Variants in GUF1 observed in about 807,000 individuals in gnomAD.
GUF1 encodes translation factor GUF1, mitochondrial.
Under a neutral mutation model 82.4 loss-of-function variants are expected in GUF1, and 78 were observed. The observed-to-expected ratio is 0.95, with a 90% confidence interval of 0.79 to 1.14. GUF1 has a LOEUF of 1.14. Among genes scored for constraint, GUF1 ranks in the 50% most tolerant of loss-of-function variants. The pLI, the probability that GUF1 is intolerant of heterozygous loss-of-function variation, is 0.00. For synonymous variants in GUF1, 279 were observed against 282.3 expected, an observed-to-expected ratio of 0.99 and a Z score of 0.12; for missense variants, 814 against 798.2, an observed-to-expected ratio of 1.02 and a Z score of -0.24.
intron 6 of GUF1, 93 bp downstream of exon 6, chr4:44,683,411 T>C: frequency 1.5e-6 from 1 of 654,588 alleles, no homozygotes; most frequent in Non-Finnish European, 2.6e-6. Context: ...CCTGGCATTA[T>C]ATGCTGTTTT....
chr4:44,689,911 C>G lies in GUF1; in HGVS notation c.1271C>G (p.Ser424Cys). ...CGACTGGAGCAAGAATATAATGCTTCTGTTATTTTAACAACCCCTACTGTT... is the reference window on the plus strand; with the variant it reads ...CGACTGGAGCAAGAATATAATGCTTGTGTTATTTTAACAACCCCTACTGTT... Reference protein sequence around the residue: ...NQRLEQEYNASVILTTPTVPY... With the variant: ...NQRLEQEYNACVILTTPTVPY... Residue 424 changes from serine (S) to cysteine (C), a missense_variant, in exon 11 of 17, where the codon TCT becomes TGT. Ser to Cys is a moderately radical substitution (Grantham distance 112). Coordinates refer to ENST00000281543, the MANE Select transcript of GUF1 (RefSeq NM_021927.3). 6.2e-7 allele frequency: 1 copy of G among 1,608,630 alleles called. No individual in the cohort carries two copies. The highest frequency in any genetic ancestry group is 8.5e-7 in the Non-Finnish European group (1 of 1,176,120).
Position 44,686,021 on chromosome 4 carries a change from C to T in GUF1, c.732C>T (p.Pro244=), listed in dbSNP as rs1170995515. Residue 244 remains proline (P), a splice_region_variant and synonymous_variant, in exon 7 of 17, where the codon CCC becomes CCT. Transcript: ENST00000281543. ...SVLQAIIERI[P]PPKVHRKNPL... ...TTCAGGCAATTATTGAAAGAATCCC[C>T]CCGTGAGTATTTGGTGATTTTTGTA... 6.3e-7 allele frequency: 1 copy of T among 1,597,732 alleles called. No individual in the cohort carries two copies. The highest frequency in any genetic ancestry group is 1.3e-5 in the African/African-American group (1 of 74,508).
intron 12 of GUF1, 146 bp downstream of exon 12, chr4:44,691,006 CAT>C (rs1715405515): frequency 7.0e-6 from 3 of 428,944 alleles, no homozygotes; most frequent in East Asian, 3.6e-5. Context: ...TATCTATACA[CAT>C]AGATATGTAT....
chr4:44,691,657 C>A lies in GUF1; in HGVS notation c.1480-9C>A. 6.3e-7 allele frequency: 1 copy of A among 1,582,826 alleles called. No homozygotes were observed. Among genetic ancestry groups the A allele is most frequent in the South Asian group, 1.1e-5 (1 of 87,654 alleles). On this transcript the variant is annotated splice_polypyrimidine_tract_variant and intron_variant, in intron 12 of 16. Transcript: ENST00000281543. ...ATCATTAAACCCATTTTCTTCCTTCCCTTTTTAGGCTCGAAGAGCAGTTCA... is the reference window on the plus strand; with the variant it reads ...ATCATTAAACCCATTTTCTTCCTTCACTTTTTAGGCTCGAAGAGCAGTTCA...
chr4:44,685,594 C>T (rs989496816), intron 6 of GUF1, among the ~76,000 whole-genome samples: 1 of 151,970 alleles, frequency 6.6e-6, no homozygotes, highest in African/African-American at 2.4e-5. Context: ...GAGATTTAGG[C>T]AGAATATGAA....
At chr4:44,687,048 C>T (rs947440133) in intron 8 of GUF1, among the ~76,000 whole-genome samples, 1 of 151,902 alleles carries the variant, frequency 6.6e-6, no homozygotes, top group Non-Finnish European at 1.5e-5. Flanking sequence ...TTCTTCATAA[C>T]TAGATTTTCC....
intron 6 of GUF1, among the ~76,000 whole-genome samples, chr4:44,684,432 G>C (rs1714937746): frequency 6.6e-6 from 1 of 152,042 alleles, no homozygotes; most frequent in South Asian, 2.1e-4. Flanking sequence ...GCTTTGTAGG[G>C]GTATGCAGGA....
At chr4:44,688,609 A>G (rs1463002513) in intron 9 of GUF1, among the ~76,000 whole-genome samples, 1 of 151,794 alleles carries the variant, frequency 6.6e-6, no homozygotes, top group Non-Finnish European at 1.5e-5. Flanking sequence ...TACTTCATTT[A>G]CTTTGGAAAA....
At chr4:44,697,089 A>G (rs1242145705) in intron 15 of GUF1, among the ~76,000 whole-genome samples, 1 of 152,178 alleles carries the variant, frequency 6.6e-6, no homozygotes, top group Non-Finnish European at 1.5e-5. Flanking sequence ...ATTGAGTAAA[A>G]AATAACCTAA....
At chr4:44,679,169 G>C (rs1284482467) in intron 1 of GUF1, among the ~76,000 whole-genome samples, 1 of 152,208 alleles carries the variant, frequency 6.6e-6, no homozygotes, top group African/African-American at 2.4e-5. Flanking sequence ...GCCTGGGCAA[G>C]TTACTACATT....
intron 8 of GUF1, 77 bp downstream of exon 8, chr4:44,686,790 C>T: frequency 1.1e-6 from 1 of 945,698 alleles, no homozygotes; most frequent in Middle Eastern, 3.0e-4. Flanking sequence ...ACTTGGTATG[C>T]TTAGAATGAT....
intron 7 of GUF1, 34 bp downstream of exon 7, chr4:44,686,057 CTATT>C (rs779259309): frequency 6.4e-6 from 9 of 1,406,328 alleles, no homozygotes; most frequent in Admixed American, 1.7e-5. Context: ...CTAGTTGTCT[CTATT>C]TAATAGTTCA....
intron 5 of GUF1, chr4:44,682,761 T>G (rs929743402): frequency 1.7e-5 from 3 of 171,582 alleles, no homozygotes; most frequent in African/African-American, 7.1e-5. Flanking sequence ...CATGACAATT[T>G]AGTGCTAAAC....
rs1214819165 is a variant in GUF1, at chr4:44,700,638, A to G, written c.*1957A>G. On this transcript the variant is annotated 3_prime_UTR_variant, in exon 17 of 17. Transcript: ENST00000281543. ...GGTGAGGACCTCCTGAGGCTGTGTC[A>G]TGGGCACACCTTAACCCTGGGAAAA... 1 of 152,198 alleles carries G rather than the reference A, an allele frequency of 6.6e-6. No individual in the cohort carries two copies. Among genetic ancestry groups the G allele is most frequent in the Non-Finnish European group, 1.5e-5 (1 of 68,042 alleles). The allele number at this position is 152,198 out of a possible 1,614,324, so 9.4% of individuals were successfully genotyped here. A position where few individuals can be genotyped will look rare whatever the true frequency, so the allele number is the denominator to read the frequency against.
chr4:44,685,857 T>C (rs1715013932), intron 6 of GUF1, 102 bp from the exon 7 acceptor site: 1 of 698,148 alleles, frequency 1.4e-6, no homozygotes, highest in Non-Finnish European at 2.5e-6. Context: ...TTGATAACTA[T>C]TGGAATTTTT....
chr4:44,686,684 G>C lies in GUF1; in HGVS notation c.909G>C (p.Leu303Phe). The C allele has an allele frequency of 6.2e-7, 1 of 1,610,280 alleles. No homozygotes were observed. Among genetic ancestry groups the C allele is most frequent in the Non-Finnish European group, 8.5e-7 (1 of 1,177,110 alleles). The change falls in exon 8 of 17, where the codon TTG becomes TTC. Residue 303 changes from leucine to phenylalanine, a missense_variant. Physicochemically the swap from Leu to Phe is conservative, Grantham distance 22. Transcript: ENST00000281543. Reference protein sequence around the residue: ...KTYEVNEVGVLNPNEQPTHKL... With the variant: ...KTYEVNEVGVFNPNEQPTHKL... ...ACGAAGTTAATGAAGTAGGAGTCTT[G>C]AATCCTAATGAGCAGCCAACTCATA...
At chr4:44,689,821 A>AGTTTGTC (rs1715310332) in intron 10 of GUF1, 22 bp from the exon 11 acceptor site, 5 of 1,578,220 alleles carry the variant, frequency 3.2e-6, no homozygotes, top group Non-Finnish European at 4.3e-6. Context: ...AACATTTTGG[A>AGTTTGTC]GTTTGTCTTT....
chr4:44,695,554 A>G, intron 14 of GUF1, 61 bp from the exon 15 acceptor site: 1 of 1,471,766 alleles, frequency 6.8e-7, no homozygotes, highest in Non-Finnish European at 9.3e-7. Flanking sequence ...CAACTGGCCT[A>G]GAAAAATACT....
Position 44,678,546 on chromosome 4 carries a change from G to C in GUF1, c.-77G>C. 1.7e-6 allele frequency: 2 copies of C among 1,180,854 alleles called. No homozygotes were observed. The highest frequency in any genetic ancestry group is 2.2e-6 in the Non-Finnish European group (2 of 889,880). The allele number at this position is 1,180,854 out of a possible 1,614,324, so 73.1% of individuals were successfully genotyped here. On this transcript the variant is annotated 5_prime_UTR_variant, in exon 1 of 17. Coordinates refer to ENST00000281543, the MANE Select transcript of GUF1 (RefSeq NM_021927.3). The stretch of plus-strand genomic sequence containing the variant: ...AGTCCTGTCCACCGGATCCTACGGG[G>C]GGTACCTTCGAAAAAAAACGGGCTA...
Sources: allele counts gnomAD v4.1 joint callset (sites outside exome capture counted in the v4.1 genomes callset), GRCh38; gene constraint gnomAD v4.1.1; transcripts MANE v1.5; gene names NCBI Gene and HGNC (gene_info 2026-07-23, HGNC 2026-07-21).